Variants in BTRC observed in about 807,000 individuals in gnomAD.
BTRC encodes beta-transducin repeat containing E3 ubiquitin protein ligase, also known as F-box/WD repeat-containing protein 1A.
BTRC carries 42 observed loss-of-function variants against 85.5 expected under a neutral mutation model. That is an observed-to-expected ratio of 0.49 (90% CI 0.38 to 0.64). The LOEUF (loss-of-function observed/expected upper bound fraction) is 0.64, where lower values mean the gene tolerates loss of function less well. BTRC is among the 30% of genes least tolerant of loss of function. The probability of loss-of-function intolerance (pLI) is 0.00; values close to 1 mark genes in which losing one functional copy is unlikely to be tolerated. For synonymous variants in BTRC, 255 were observed against 263.3 expected, an observed-to-expected ratio of 0.97 and a Z score of 0.30; for missense variants, 594 against 743.5, an observed-to-expected ratio of 0.80 and a Z score of 2.34.
chr10:101,354,440 T>G, intron 1 of BTRC: 2 of 566,806 alleles, frequency 3.5e-6, no homozygotes, highest in Non-Finnish European at 6.1e-6. Flanking sequence ...CGCCATCTTG[T>G]GGATGAGAGG....
intron 2 of BTRC, among the ~76,000 whole-genome samples, chr10:101,432,203 C>G (rs1250941037): frequency 6.6e-6 from 1 of 151,664 alleles, no homozygotes; most frequent in African/African-American, 2.4e-5. Context: ...TCTCGACTCA[C>G]AGCAACCTCT....
chr10:101,410,521 G>A (rs1001510348), intron 1 of BTRC, among the ~76,000 whole-genome samples: 1 of 152,092 alleles, frequency 6.6e-6, no homozygotes, highest in Non-Finnish European at 1.5e-5. Context: ...GGCTGAGGCA[G>A]GAGAATTGCT....
chr10:101,532,598 A>G (rs1309868900), intron 8 of BTRC, among the ~76,000 whole-genome samples, 166 bp downstream of exon 8: 2 of 152,184 alleles, frequency 1.3e-5, no homozygotes, highest in Non-Finnish European at 2.9e-5. Context: ...GACAGACATC[A>G]GCTTCCCCAC....
chr10:101,519,988 T>C (rs968504687), intron 4 of BTRC, among the ~76,000 whole-genome samples: 5 of 151,942 alleles, frequency 3.3e-5, no homozygotes, highest in African/African-American at 1.2e-4. Context: ...AGACTGAAAC[T>C]CTGTCTCAAA....
chr10:101,510,281 G>T (rs575333715), intron 4 of BTRC, among the ~76,000 whole-genome samples: 1 of 152,250 alleles, frequency 6.6e-6, no homozygotes, highest in South Asian at 2.1e-4. Context: ...GGCAGAGGTG[G>T]GTGGATCACG....
intron 2 of BTRC, among the ~76,000 whole-genome samples, chr10:101,440,759 TCTC>T (rs1310072824): frequency 1.3e-5 from 2 of 152,138 alleles, no homozygotes; most frequent in African/African-American, 4.8e-5. Context: ...AGCTTAGCCC[TCTC>T]CTCTGAAAAT....
chr10:101,556,799 T>TTA lies in BTRC; in HGVS notation c.*3676_*3677insTA, dbSNP rs1401403220. On this transcript the variant is annotated 3_prime_UTR_variant, in exon 15 of 15. Transcript: ENST00000370187. ...GAAGTTGAGTACCTGTGATCTAAAA[T>TTA]GTCCTGGAGGCAGATGACATCTAAA... The TTA allele has an allele frequency of 6.6e-6, 1 of 152,268 alleles. No individual in the cohort carries two copies. The highest frequency in any genetic ancestry group is 2.4e-5 in the African/African-American group (1 of 41,462). 9.4% of individuals were successfully genotyped at this position (152,268 alleles called of 1,614,324 possible).
chr10:101,397,067 G>C (rs904146742), intron 1 of BTRC, among the ~76,000 whole-genome samples: 3 of 152,202 alleles, frequency 2.0e-5, no homozygotes, highest in Non-Finnish European at 4.4e-5. Flanking sequence ...GCCTCCCAAA[G>C]TGCTGAGATT....
chr10:101,469,338 A>ACTG (rs1342721071), intron 3 of BTRC, among the ~76,000 whole-genome samples: 2 of 152,212 alleles, frequency 1.3e-5, no homozygotes, highest in Admixed American at 6.5e-5. Flanking sequence ...AGATCAGCAA[A>ACTG]GTCATTTACC....
chr10:101,537,851 C>G (rs765554778), intron 12 of BTRC, among the ~76,000 whole-genome samples: 2 of 152,184 alleles, frequency 1.3e-5, no homozygotes, highest in Non-Finnish European at 2.9e-5. Context: ...AATTTGTCTG[C>G]TATGTACCTT....
At chr10:101,369,019 A>T (rs1942558546) in intron 1 of BTRC, among the ~76,000 whole-genome samples, 1 of 151,938 alleles carries the variant, frequency 6.6e-6, no homozygotes, top group Admixed American at 6.6e-5. Context: ...ACTCCATCTT[A>T]AATAATAATA....
At chr10:101,439,318 T>A (rs1050445309) in intron 2 of BTRC, among the ~76,000 whole-genome samples, 3 of 152,162 alleles carry the variant, frequency 2.0e-5, no homozygotes. Context: ...AAGCACCCTG[T>A]AAACAATAAT....
intron 5 of BTRC, among the ~76,000 whole-genome samples, chr10:101,523,872 T>C (rs2062154589): frequency 6.6e-6 from 1 of 152,164 alleles, no homozygotes; most frequent in Admixed American, 6.5e-5. Flanking sequence ...GTTTCAAAAT[T>C]TTTTCATATT....
intron 2 of BTRC, among the ~76,000 whole-genome samples, chr10:101,456,071 T>C (rs1945074168): frequency 6.7e-6 from 1 of 149,596 alleles, no homozygotes; most frequent in South Asian, 2.1e-4. Context: ...CTCGGGAGGC[T>C]GAGGCAGGAG....
chr10:101,505,880 A>G (rs1237783094), intron 4 of BTRC, among the ~76,000 whole-genome samples: 2 of 151,848 alleles, frequency 1.3e-5, no homozygotes, highest in Non-Finnish European at 2.9e-5. Context: ...CTTTTTGAAG[A>G]TGAATTTGGT....
At position 101,474,891 on chromosome 10, in the gene BTRC, A is replaced by G. The variant is rs545289447; in HGVS notation, c.235-4477A>G. On this transcript the variant is annotated intron_variant, in intron 3 of 14. Transcript: ENST00000370187. ...TATGTAGCTTTAAAATGTTTTTCCT[A>G]TCTGCAAGAGGGTTTATCTGATACA... Among the ~76,000 whole-genome samples the G allele has an allele frequency of 1.2e-4, 19 of 152,222 alleles. No homozygotes were observed. In the South Asian group the frequency reaches 3.9e-3, roughly 32 times the overall value.
intron 4 of BTRC, among the ~76,000 whole-genome samples, chr10:101,509,700 G>A (rs1374520438): frequency 6.8e-6 from 1 of 147,434 alleles, no homozygotes; most frequent in Non-Finnish European, 1.5e-5. Context: ...CTACAGGCAT[G>A]CACCACCACA....
At chr10:101,499,398 T>C (rs974074683) in intron 4 of BTRC, among the ~76,000 whole-genome samples, 18 of 152,222 alleles carry the variant, frequency 1.2e-4, no homozygotes, top group African/African-American at 3.6e-4. Context: ...TAAATTTTTT[T>C]GTATTTTTAG....
intron 6 of BTRC, among the ~76,000 whole-genome samples, chr10:101,526,601 G>A (rs745995271): frequency 1.6e-4 from 24 of 152,164 alleles, no homozygotes; most frequent in African/African-American, 1.9e-4. Context: ...CCAACGTGGC[G>A]AAACCCCAAC....
Sources: allele counts gnomAD v4.1 joint callset (sites outside exome capture counted in the v4.1 genomes callset), GRCh38; gene constraint gnomAD v4.1.1; transcripts MANE v1.5; gene names NCBI Gene and HGNC (gene_info 2026-07-23, HGNC 2026-07-21).